The following TPGS2 variants were observed in gnomAD, a reference collection of about 807,000 sequenced individuals.
The protein encoded by TPGS2 is tubulin polyglutamylase complex subunit 2, also known as polyglutamylase subunit 2.
Under a neutral mutation model 31.1 loss-of-function variants are expected in TPGS2, and 26 were observed. That is an observed-to-expected ratio of 0.84 (90% CI 0.61 to 1.16). The LOEUF is 1.16. Ranked by LOEUF, TPGS2 falls within the 50% of genes most tolerant of loss-of-function variation. TPGS2 has a pLI of 0.00. For missense variants in TPGS2, 351 were observed against 363.8 expected, an observed-to-expected ratio of 0.96 and a Z score of 0.29; for synonymous variants, 130 against 136.6, an observed-to-expected ratio of 0.95 and a Z score of 0.34.
chr18:36,796,235 G>A lies in TPGS2; in HGVS notation c.*570C>T, dbSNP rs1468646273. On this transcript the variant is annotated 3_prime_UTR_variant, in exon 7 of 7. Transcript: ENST00000334295. Reference sequence around the variant, plus strand: ...AACATTAACAACAAAAATTAATTGAGGAAGAGCAGTATGAAAATATTCTAA... The same window carrying A: ...AACATTAACAACAAAAATTAATTGAAGAAGAGCAGTATGAAAATATTCTAA... 2 of 985,286 alleles carry A rather than the reference G, an allele frequency of 2.0e-6. No homozygotes were observed. Among genetic ancestry groups the A allele is most frequent in the Admixed American group, 6.1e-5 (1 of 16,268 alleles). The allele number at this position is 985,286 out of a possible 1,614,324, so 61.0% of individuals were successfully genotyped here. A position where few individuals can be genotyped will look rare whatever the true frequency, so the allele number is the denominator to read the frequency against.
At chr18:36,827,921 G>T (rs2046248162) in intron 1 of TPGS2, among the ~76,000 whole-genome samples, 1 of 152,096 alleles carries the variant, frequency 6.6e-6, no homozygotes, top group Non-Finnish European at 1.5e-5. Flanking sequence ...AGAAACGTTT[G>T]ATAGGCCAGG....
chr18:36,813,962 C>T (rs992302507), intron 2 of TPGS2, among the ~76,000 whole-genome samples: 18 of 151,946 alleles, frequency 1.2e-4, no homozygotes, highest in East Asian at 1.9e-4. Context: ...CACAGTGGGG[C>T]GTGTAACAAA....
chr18:36,808,145 C>T (rs1369649695), intron 2 of TPGS2, among the ~76,000 whole-genome samples: 1 of 152,002 alleles, frequency 6.6e-6, no homozygotes, highest in Non-Finnish European at 1.5e-5. Context: ...CTAATGCAAA[C>T]CAGGTACCTG....
intron 5 of TPGS2, 138 bp downstream of exon 5, chr18:36,800,060 T>C: frequency 4.3e-6 from 3 of 693,338 alleles, no homozygotes; most frequent in Non-Finnish European, 7.6e-6. Context: ...AAAGGGGTTT[T>C]TGGGTTTGGG....
chr18:36,781,599 A>G (rs1424876881), downstream of TPGS2, among the ~76,000 whole-genome samples: 3 of 152,286 alleles, frequency 2.0e-5, no homozygotes, highest in East Asian at 5.8e-4. Context: ...TTGCAGGATC[A>G]CACCACTGCA....
At chr18:36,807,984 A>G in intron 2 of TPGS2, 50 bp from the exon 3 acceptor site, 1 of 1,589,096 alleles carries the variant, frequency 6.3e-7, no homozygotes, top group Non-Finnish European at 8.6e-7. Flanking sequence ...GAAAGAGGGT[A>G]CAGGGCTATG....
intron 1 of TPGS2, 99 bp from the exon 2 acceptor site, chr18:36,819,072 A>G (rs2045785706): frequency 1.0e-6 from 1 of 968,878 alleles, no homozygotes; most frequent in Non-Finnish European, 1.6e-6. Context: ...TCTTAAGAAC[A>G]TCCAATCCTT....
chr18:36,807,329 A>G (rs2150606663), intron 3 of TPGS2, among the ~76,000 whole-genome samples: 1 of 152,344 alleles, frequency 6.6e-6, no homozygotes, highest in East Asian at 1.9e-4. Flanking sequence ...AAAAGATGGC[A>G]GCCTGTGAAT....
At chr18:36,807,599 T>G in intron 3 of TPGS2, 1 of 538,168 alleles carries the variant, frequency 1.9e-6, no homozygotes, top group Non-Finnish European at 3.3e-6. Context: ...CTCTACCCTA[T>G]TCCTACAGGA....
chr18:36,827,858 CTG>C (rs1172533804), intron 1 of TPGS2, among the ~76,000 whole-genome samples: 4 of 152,134 alleles, frequency 2.6e-5, no homozygotes, highest in South Asian at 4.1e-4. Context: ...TTTCACAGAA[CTG>C]TGTCTTTTTC....
chr18:36,795,437 T>C lies in TPGS2; in HGVS notation c.*1368A>G, dbSNP rs2044484039. 1 of 985,306 alleles carries C rather than the reference T, an allele frequency of 1.0e-6. No homozygotes were observed. The highest frequency in any genetic ancestry group is 1.2e-6 in the Non-Finnish European group (1 of 829,954). The allele number at this position is 985,306 out of a possible 1,614,324, so 61.0% of individuals were successfully genotyped here. ...TCAAAACTCCTAATTCTCTAACCTC[T>C]GGGACTTCAGTACAAAAACTGCAGC... On this transcript the variant is annotated 3_prime_UTR_variant, in exon 7 of 7. Transcript: ENST00000334295.
intron 3 of TPGS2, 139 bp from the exon 4 acceptor site, chr18:36,805,641 A>T (rs2045086498): frequency 8.2e-7 from 1 of 1,214,136 alleles, no homozygotes; most frequent in Non-Finnish European, 1.2e-6. Context: ...GGTGGGAAGA[A>T]GAGGATTACT....
chr18:36,825,432 C>CA (rs60365266), intron 1 of TPGS2, among the ~76,000 whole-genome samples: 1,576 of 76,562 alleles, frequency 0.021, 15 homozygotes, highest in East Asian at 0.031. Flanking sequence ...ACTCCGTCTC[C>CA]AAAAAAAAAA....
chr18:36,814,194 C>A (rs2045555464), intron 2 of TPGS2, among the ~76,000 whole-genome samples: 1 of 152,188 alleles, frequency 6.6e-6, no homozygotes, highest in African/African-American at 2.4e-5. Context: ...TAACATAACT[C>A]TTCTGGCACC....
chr18:36,786,692 A>C (rs1048572143), intron 6 of TPGS2: 2 of 612,644 alleles, frequency 3.3e-6, no homozygotes, highest in Non-Finnish European at 4.7e-6. Flanking sequence ...CACAAAAGGG[A>C]GGGGGTATGA....
intron 4 of TPGS2, among the ~76,000 whole-genome samples, chr18:36,801,022 C>T (rs1257213948): frequency 6.6e-6 from 1 of 152,184 alleles, no homozygotes; most frequent in Non-Finnish European, 1.5e-5. Context: ...AGTCATGTGG[C>T]ATAACTCTAA....
intron 4 of TPGS2, among the ~76,000 whole-genome samples, chr18:36,804,872 T>C (rs902795826): frequency 6.6e-6 from 1 of 152,062 alleles, no homozygotes; most frequent in East Asian, 1.9e-4. Context: ...CCCTTTGCCG[T>C]TTACTCATCT....
downstream of TPGS2, among the ~76,000 whole-genome samples, chr18:36,790,880 C>T (rs1017800381): frequency 6.6e-6 from 1 of 152,154 alleles, no homozygotes; most frequent in African/African-American, 2.4e-5. Context: ...CATGGGGTTC[C>T]ATACTAAGTA....
At chr18:36,787,228 C>T in intron 6 of TPGS2, 1 of 874,994 alleles carries the variant, frequency 1.1e-6, no homozygotes, top group East Asian at 3.3e-5. Flanking sequence ...AGCAGTTTTC[C>T]TGAACTATGA....
Sources: allele counts gnomAD v4.1 joint callset (sites outside exome capture counted in the v4.1 genomes callset), GRCh38; gene constraint gnomAD v4.1.1; transcripts MANE v1.5; gene names NCBI Gene and HGNC (gene_info 2026-07-23, HGNC 2026-07-21).